LRRTM4: variants seen among roughly 807,000 people sequenced by gnomAD.
LRRTM4 encodes leucine-rich repeat transmembrane neuronal protein 4.
In LRRTM4, 25 loss-of-function variants were observed where a neutral mutation model predicts 47.6. The observed-to-expected ratio is 0.53, with a 90% confidence interval of 0.38 to 0.73. The LOEUF (loss-of-function observed/expected upper bound fraction) is 0.73, where lower values mean the gene tolerates loss of function less well. Ranked by LOEUF, LRRTM4 falls within the 30% of genes least tolerant of loss-of-function variation. The probability of loss-of-function intolerance (pLI) is 0.00; values close to 1 mark genes in which losing one functional copy is unlikely to be tolerated. For synonymous variants in LRRTM4, 311 were observed against 269.5 expected, an observed-to-expected ratio of 1.15 and a Z score of -1.51; for missense variants, 638 against 713.4, an observed-to-expected ratio of 0.89 and a Z score of 1.20.
chr2:76,914,936 TA>T (rs1264385942), intron 3 of LRRTM4, among the ~76,000 whole-genome samples: 1 of 152,226 alleles, frequency 6.6e-6, no homozygotes, highest in Admixed American at 6.5e-5. Context: ...TTATGCATTT[TA>T]AATTAAAATT....
chr2:76,983,792 A>G (rs1676695144), intron 3 of LRRTM4, among the ~76,000 whole-genome samples: 1 of 152,102 alleles, frequency 6.6e-6, no homozygotes, highest in African/African-American at 2.4e-5. Flanking sequence ...TTTCAGTGAG[A>G]TTAAAAAATA....
intron 3 of LRRTM4, among the ~76,000 whole-genome samples, chr2:76,838,357 T>C (rs962369255): frequency 9.2e-5 from 14 of 152,148 alleles, no homozygotes; most frequent in Admixed American, 2.6e-4. Flanking sequence ...TTAGTTAATA[T>C]AAGAAGGCTT....
intron 3 of LRRTM4, among the ~76,000 whole-genome samples, chr2:77,122,337 T>C (rs1671540014): frequency 6.6e-6 from 1 of 151,588 alleles, no homozygotes; most frequent in African/African-American, 2.4e-5. Context: ...TACATGATCC[T>C]ACATTTTTGT....
intron 3 of LRRTM4, among the ~76,000 whole-genome samples, chr2:76,907,885 T>C (rs1248563817): frequency 6.9e-6 from 1 of 143,898 alleles, no homozygotes; most frequent in Non-Finnish European, 1.5e-5. Flanking sequence ...CAGGACCAGA[T>C]GGATTTACAG....
chr2:76,783,397 A>G (rs1008427313), intron 3 of LRRTM4, among the ~76,000 whole-genome samples: 3 of 152,194 alleles, frequency 2.0e-5, no homozygotes, highest in South Asian at 2.1e-4. Context: ...TACATAACAT[A>G]AAATGTACCA....
intron 3 of LRRTM4, among the ~76,000 whole-genome samples, chr2:77,453,592 G>A (rs1292706881): frequency 6.6e-6 from 1 of 152,102 alleles, no homozygotes; most frequent in Non-Finnish European, 1.5e-5. Flanking sequence ...ATAACATAAT[G>A]ATCAATGCTA....
chr2:76,814,712 C>G (rs1670848288), intron 3 of LRRTM4, among the ~76,000 whole-genome samples: 1 of 151,554 alleles, frequency 6.6e-6, no homozygotes, highest in Non-Finnish European at 1.5e-5. Context: ...ATTTTGGTAT[C>G]CTCAGGAGTC....
At chr2:77,263,886 CT>C (rs372011062) in intron 3 of LRRTM4, among the ~76,000 whole-genome samples, 345 of 152,130 alleles carry the variant, frequency 2.3e-3, no homozygotes, top group African/African-American at 8.1e-3. Context: ...TCATTTTCCT[CT>C]TGAGGAGTGT....
rs1162461607 is a variant in LRRTM4 at position 77,453,176 on chromosome 2, ATTTTTTT to A, written c.1551+65135_1551+65141del. On this transcript the variant is annotated intron_variant, in intron 3 of 3. Transcript: ENST00000409884. Reference sequence around the variant, plus strand: ...TTTTGATTTTATCTGTTTCTTCTTGATTTTTTTTTTTTTTTTTTTTTTTGAGATAGAG... The same window carrying A: ...TTTTGATTTTATCTGTTTCTTCTTGATTTTTTTTTTTTTTTTGAGATAGAG... 3.5e-3 allele frequency among the ~76,000 whole-genome samples: 348 copies of A among 99,538 alleles called. 1 individual carries two copies. The highest frequency in any genetic ancestry group is 0.013 in the African/African-American group (332 of 26,062). 65.3% of individuals were successfully genotyped at this position (99,538 alleles called of 152,430 possible). A position where few individuals can be genotyped will look rare whatever the true frequency, so the allele number is the denominator to read the frequency against.
intron 3 of LRRTM4, among the ~76,000 whole-genome samples, chr2:76,879,436 C>A (rs1573247598): frequency 6.6e-6 from 1 of 152,142 alleles, no homozygotes; most frequent in African/African-American, 2.4e-5. Flanking sequence ...ACAACAAGGC[C>A]TAGAAGACAG....
intron 3 of LRRTM4, among the ~76,000 whole-genome samples, chr2:76,901,587 A>T (rs1465314506): frequency 2.6e-5 from 4 of 152,108 alleles, no homozygotes; most frequent in Non-Finnish European, 4.4e-5. Context: ...ATCTCTAAGC[A>T]CTGTAAAAAA....
At chr2:77,041,576 T>G (rs2104177514) in intron 3 of LRRTM4, among the ~76,000 whole-genome samples, 1 of 151,606 alleles carries the variant, frequency 6.6e-6, no homozygotes, top group South Asian at 2.1e-4. Flanking sequence ...GAACATTTAT[T>G]ATTTTTCGTC....
At chr2:77,074,705 C>G (rs1680275411) in intron 3 of LRRTM4, among the ~76,000 whole-genome samples, 1 of 152,026 alleles carries the variant, frequency 6.6e-6, no homozygotes. Context: ...AGAAATTAGT[C>G]CCAAAACATT....
intron 3 of LRRTM4, among the ~76,000 whole-genome samples, chr2:77,100,986 C>G (rs1041895881): frequency 6.6e-6 from 1 of 151,876 alleles, no homozygotes; most frequent in Admixed American, 6.6e-5. Flanking sequence ...CAGGCACCCA[C>G]CACCATGCCC....
At position 77,415,863 on chromosome 2, in the gene LRRTM4, G is replaced by C. The variant is rs951008295; in HGVS notation, c.1551+102455C>G. Among the ~76,000 whole-genome samples the C allele has an allele frequency of 7.9e-5, 12 of 152,032 alleles. 1 individual carries two copies. The highest frequency in any genetic ancestry group is 1.8e-4 in the Non-Finnish European group (12 of 67,986). On this transcript the variant is annotated intron_variant, in intron 3 of 3. Coordinates refer to ENST00000409884, the MANE Select transcript of LRRTM4 (RefSeq NM_001134745.3). ...GTTGGTATATAAGAGGTATTCCCTA[G>C]ATATTTGTCACATGCATAAATAAAT...
chr2:77,239,250 G>T (rs183501715), intron 3 of LRRTM4, among the ~76,000 whole-genome samples: 1 of 151,894 alleles, frequency 6.6e-6, no homozygotes, highest in East Asian at 1.9e-4. Context: ...CATACTACAT[G>T]GAGCTTAATA....
At chr2:76,884,567 T>C (rs1001470711) in intron 3 of LRRTM4, among the ~76,000 whole-genome samples, 1 of 152,130 alleles carries the variant, frequency 6.6e-6, no homozygotes, top group African/African-American at 2.4e-5. Context: ...ATATAGAATG[T>C]AAAATTGTAC....
At chr2:77,140,989 T>TGTGGAGA (rs1346967323) in intron 3 of LRRTM4, among the ~76,000 whole-genome samples, 1 of 152,102 alleles carries the variant, frequency 6.6e-6, no homozygotes, top group African/African-American at 2.4e-5. Flanking sequence ...CTGGAGAGGA[T>TGTGGAGA]GTGGAGAAAT....
intron 3 of LRRTM4, among the ~76,000 whole-genome samples, chr2:77,415,905 T>C (rs533609726): frequency 4.5e-4 from 68 of 152,264 alleles, no homozygotes; most frequent in African/African-American, 1.6e-3. Context: ...CAAATGATTG[T>C]CATTGATTAC....
Sources: gnomAD v4.1 joint callset for allele counts (sites outside exome capture counted in the v4.1 genomes callset) on GRCh38, gnomAD v4.1.1 for gene constraint, MANE v1.5 for transcripts, NCBI Gene and HGNC (gene_info 2026-07-23, HGNC 2026-07-21) for gene names.